The following ATP8B1 variants were observed in gnomAD, a reference collection of about 807,000 sequenced individuals.
ATP8B1 encodes the protein phospholipid-transporting ATPase IC.
A neutral mutation model predicts 149.9 loss-of-function variants in ATP8B1; 80 were observed. The ratio of observed to expected loss-of-function variants is 0.53; its 90% CI spans 0.45 to 0.64. ATP8B1 has a LOEUF of 0.64. Among genes scored for constraint, ATP8B1 ranks in the 30% least tolerant of loss-of-function variants. The pLI is 0.00. For missense variants in ATP8B1, 1,247 were observed against 1,552.6 expected (o/e 0.80, Z 3.31); for synonymous variants, 536 against 562.8 (o/e 0.95, Z 0.67).
chr18:57,740,263 A>ATT (rs894419072), intron 1 of ATP8B1, among the ~76,000 whole-genome samples: 1 of 149,016 alleles, frequency 6.7e-6, no homozygotes, highest in African/African-American at 2.5e-5. Flanking sequence ...GTCCTTCATC[A>ATT]TTTTTTTTTA....
intron 2 of ATP8B1, among the ~76,000 whole-genome samples, chr18:57,723,990 G>A (rs911840927): frequency 2.0e-5 from 3 of 149,618 alleles, no homozygotes; most frequent in Non-Finnish European, 4.5e-5. Context: ...AGAAAAACAA[G>A]CAATGGGGAA....
chr18:57,740,605 T>TGTCACCTAGG (rs1362761548), intron 1 of ATP8B1: 4 of 149,452 alleles, frequency 2.7e-5, no homozygotes, highest in African/African-American at 9.9e-5. Flanking sequence ...ATTCAAGTTC[T>TGTCACCTAGG]TGCTCTGTCA....
chr18:57,786,424 A>T (rs1243322232), intron 1 of ATP8B1, among the ~76,000 whole-genome samples: 2 of 152,152 alleles, frequency 1.3e-5, no homozygotes, highest in Admixed American at 1.3e-4. Context: ...TTTTATTAGG[A>T]CACTGATTGC....
chr18:57,797,705 T>TTCTTTC (rs201180205), intron 1 of ATP8B1, among the ~76,000 whole-genome samples: 2 of 74,418 alleles, frequency 2.7e-5, no homozygotes, highest in East Asian at 3.6e-4. Context: ...CTTTCTTTCT[T>TTCTTTC]TTTTTTTTTT....
At chr18:57,730,949 T>G (rs2079758353) in intron 2 of ATP8B1, among the ~76,000 whole-genome samples, 1 of 152,066 alleles carries the variant, frequency 6.6e-6, no homozygotes, top group Non-Finnish European at 1.5e-5. Context: ...CCTTTAAAAA[T>G]TTCTGGGTGC....
At chr18:57,685,257 C>T in intron 13 of ATP8B1, 142 bp from the exon 14 acceptor site, 1 of 944,990 alleles carries the variant, frequency 1.1e-6, no homozygotes, top group Non-Finnish European at 1.7e-6. Flanking sequence ...TGGCACTTTA[C>T]AGAAAACGTT....
intron 2 of ATP8B1, among the ~76,000 whole-genome samples, chr18:57,719,151 A>T (rs1372955171): frequency 6.6e-6 from 1 of 152,248 alleles, no homozygotes; most frequent in Non-Finnish European, 1.5e-5. Flanking sequence ...CAAATTCTGT[A>T]AGGTTGCAAG....
chr18:57,658,627 T>TTGTGTGTGTGTGTGTGTG (rs71171058), intron 22 of ATP8B1, among the ~76,000 whole-genome samples: 1 of 144,988 alleles, frequency 6.9e-6, no homozygotes, highest in Non-Finnish European at 1.5e-5. Flanking sequence ...AACAATTTCT[T>TTGTGTGTGTGTGTGTGTG]TGTGTGTGTG....
rs71171079 is a variant in ATP8B1 at position 57,736,453 on chromosome 18, G to GTTTT, written c.-25-4625_-25-4622dup. Reference sequence around the variant, plus strand: ...TTTCTTCTAGTATAAAGTTTTACTAGTTTTTTTTTTTTTTTTTTTTTTTTG... The same window carrying GTTTT: ...TTTCTTCTAGTATAAAGTTTTACTAGTTTTTTTTTTTTTTTTTTTTTTTTTTTTG... On this transcript the variant is annotated intron_variant, in intron 1 of 27. Coordinates refer to ENST00000648908, the MANE Select transcript of ATP8B1 (RefSeq NM_001374385.1). Among the ~76,000 whole-genome samples the GTTTT allele has an allele frequency of 2.0e-4, 14 of 70,132 alleles. 6 individuals carry two copies. The highest frequency in any genetic ancestry group is 3.1e-4 in the African/African-American group (6 of 19,290). 46.0% of individuals were successfully genotyped at this position (70,132 alleles called of 152,430 possible).
intron 15 of ATP8B1, among the ~76,000 whole-genome samples, chr18:57,678,569 A>G (rs1183978958): frequency 1.4e-5 from 2 of 143,006 alleles, no homozygotes; most frequent in African/African-American, 2.5e-5. Context: ...CCCAGGCGAT[A>G]GTTCGAGATT....
In ATP8B1 at chr18:57,668,549, T is replaced by C; in HGVS notation, c.2098-9A>G. ...GCTGTAGCTCCCAGGAGCTAGAATG[T>C]ATATTAAAAAAAAAAAAAAAAGGAA... On this transcript the variant is annotated splice_polypyrimidine_tract_variant and intron_variant, in intron 18 of 27. Transcript: ENST00000648908. 5 of 550,432 alleles carry C rather than the reference T, an allele frequency of 9.1e-6. No homozygotes were observed. The highest frequency in any genetic ancestry group is 1.2e-5 in the Non-Finnish European group (5 of 402,722). 34.1% of individuals were successfully genotyped at this position (550,432 alleles called of 1,614,324 possible). A position where few individuals can be genotyped will look rare whatever the true frequency, so the allele number is the denominator to read the frequency against.
intron 1 of ATP8B1, among the ~76,000 whole-genome samples, chr18:57,752,971 C>G (rs751312875): frequency 2.0e-5 from 3 of 152,150 alleles, no homozygotes; most frequent in Non-Finnish European, 4.4e-5. Context: ...GCATTTGAAT[C>G]CAAATCCTGC....
chr18:57,799,033 A>C (rs1400571955), intron 1 of ATP8B1, among the ~76,000 whole-genome samples: 1 of 152,222 alleles, frequency 6.6e-6, no homozygotes, highest in Non-Finnish European at 1.5e-5. Flanking sequence ...TGTATTAACG[A>C]CTACCTTTTA....
chr18:57,753,022 A>G (rs1026305197), intron 1 of ATP8B1, among the ~76,000 whole-genome samples: 8 of 152,188 alleles, frequency 5.3e-5, no homozygotes, highest in African/African-American at 1.7e-4. Context: ...CCCCCAGGGT[A>G]AGGTTCCACA....
intron 8 of ATP8B1, among the ~76,000 whole-genome samples, chr18:57,697,401 T>G (rs1028542478): frequency 2.6e-5 from 4 of 152,136 alleles, no homozygotes; most frequent in African/African-American, 9.7e-5. Context: ...ACACATATGC[T>G]CCTGTCTGAT....
intron 19 of ATP8B1, chr18:57,667,420 G>C: frequency 2.2e-6 from 1 of 464,458 alleles, no homozygotes; most frequent in East Asian, 4.1e-5. Flanking sequence ...TAGAGATGGG[G>C]TTTTGTCATG....
chr18:57,683,589 C>G (rs1358466249), intron 15 of ATP8B1, among the ~76,000 whole-genome samples: 1 of 152,126 alleles, frequency 6.6e-6, no homozygotes, highest in African/African-American at 2.4e-5. Context: ...CAAACCCAAA[C>G]TATAACAGAA....
chr18:57,652,403 G>A (rs1909680658), intron 25 of ATP8B1, 81 bp downstream of exon 25: 1 of 1,582,846 alleles, frequency 6.3e-7, no homozygotes, highest in Non-Finnish European at 8.7e-7. Flanking sequence ...TGGGAGTCAG[G>A]TGGATGTGCA....
chr18:57,767,532 A>G (rs1421774482), intron 1 of ATP8B1, among the ~76,000 whole-genome samples: 1 of 152,172 alleles, frequency 6.6e-6, no homozygotes, highest in African/African-American at 2.4e-5. Flanking sequence ...TCATGCCTGT[A>G]ATGCCAGCAC....
Sources: allele counts gnomAD v4.1 joint callset (sites outside exome capture counted in the v4.1 genomes callset), GRCh38; gene constraint gnomAD v4.1.1; transcripts MANE v1.5; gene names NCBI Gene and HGNC (gene_info 2026-07-23, HGNC 2026-07-21).